The following RELB variants were observed in gnomAD, a reference collection of about 807,000 sequenced individuals.
RELB encodes the protein transcription factor RelB.
Under a neutral mutation model 55.4 loss-of-function variants are expected in RELB, and 14 were observed. That is an observed-to-expected ratio of 0.25 (90% confidence interval 0.17 to 0.40). RELB has a LOEUF of 0.40. RELB is among the 10% of genes least tolerant of loss of function. The pLI is 1.00. For synonymous variants in RELB, 409 were observed against 371.3 expected, an observed-to-expected ratio of 1.10 and a Z score of -1.17; for missense variants, 669 against 830.7, an observed-to-expected ratio of 0.81 and a Z score of 2.39.
In RELB at chr19:45,002,930, C is replaced by T. The variant is rs758543418; in HGVS notation, c.107-19C>T. On this transcript the variant is annotated intron_variant, in intron 1 of 11. Coordinates refer to ENST00000221452, the MANE Select transcript of RELB (RefSeq NM_006509.4). ...GGCTGCCCCCCATCACCTCCTGAGA[C>T]GTTTCTCCTTCTCTGCAGGGTCCCC... 1 of 1,612,148 alleles carries T rather than the reference C, an allele frequency of 6.2e-7. No homozygotes were observed. The highest frequency in any genetic ancestry group is 1.7e-5 in the Admixed American group (1 of 59,904).
At chr19:45,026,009 A>G (rs535299516) in intron 7 of RELB, among the ~76,000 whole-genome samples, 1 of 152,326 alleles carries the variant, frequency 6.6e-6, no homozygotes, top group African/African-American at 2.4e-5. Context: ...TGGGAGGCCA[A>G]GGCGGGCAGG....
intron 11 of RELB, 83 bp from the exon 12 acceptor site, chr19:45,037,322 C>CAGGGAGT (rs1390555828): frequency 2.4e-5 from 33 of 1,352,882 alleles, no homozygotes; most frequent in African/African-American, 6.1e-5. Context: ...TCACATTTTG[C>CAGGGAGT]AGGGAGTAGG....
At position 45,012,154 on chromosome 19, in the gene RELB, G is replaced by C; in HGVS notation, c.382G>C (p.Val128Leu). Reference sequence around the variant, plus strand: ...GGGCCCGGGCCCGCAGCCGCACCTGGTCATCACGGAGCAGCCCAAGCAGCG... The same window carrying C: ...GGGCCCGGGCCCGCAGCCGCACCTGCTCATCACGGAGCAGCCCAAGCAGCG... ...APGPGPQPHLVITEQPKQRGM... is the reference protein window; with the variant it reads ...APGPGPQPHLLITEQPKQRGM... The change falls in exon 4 of 12, where the codon GTC becomes CTC. Residue 128 changes from valine (V) to leucine (L), a missense_variant. Transcript: ENST00000221452. 2 of 1,563,960 alleles carry C rather than the reference G, an allele frequency of 1.3e-6. No homozygotes were observed. The highest frequency in any genetic ancestry group is 1.7e-6 in the Non-Finnish European group (2 of 1,163,984).
intron 3 of RELB, 105 bp from the exon 4 acceptor site, chr19:45,011,831 A>AGAGAGAGAGAGG: frequency 2.4e-6 from 1 of 411,362 alleles, no homozygotes; most frequent in Non-Finnish European, 4.0e-6. Context: ...AGAGAGAGAG[A>AGAGAGAGAGAGG]GAGATAAATG....
At chr19:45,020,051 C>CCTGGCCCATCATTTGTT in intron 4 of RELB, among the ~76,000 whole-genome samples, 1 of 152,058 alleles carries the variant, frequency 6.6e-6, no homozygotes, top group South Asian at 2.1e-4. Context: ...AGCCACTGTG[C>CCTGGCCCATCATTTGTT]GCAGCCCTTC....
chr19:45,011,453 C>G (rs897435313), intron 3 of RELB, among the ~76,000 whole-genome samples: 1 of 151,708 alleles, frequency 6.6e-6, no homozygotes, highest in Non-Finnish European at 1.5e-5. Context: ...TGAGCCACCG[C>G]GCCCAGCCTA....
chr19:45,034,545 C>A lies in RELB; in HGVS notation c.1354+17C>A. On this transcript the variant is annotated intron_variant, in intron 11 of 11. Coordinates refer to ENST00000221452, the MANE Select transcript of RELB (RefSeq NM_006509.4). ...ACGGCTCAGGTGGGTCCCAGCTACA[C>A]ATAAGCCCCTGTCCCCTGGGTGGGC... 1 of 1,583,010 alleles carries A rather than the reference C, an allele frequency of 6.3e-7. No individual in the cohort carries two copies. Among genetic ancestry groups the A allele is most frequent in the Non-Finnish European group, 8.6e-7 (1 of 1,164,448 alleles).
intron 3 of RELB, among the ~76,000 whole-genome samples, chr19:45,011,057 C>A (rs1327336695): frequency 1.3e-5 from 2 of 152,148 alleles, no homozygotes; most frequent in Admixed American, 6.6e-5. Context: ...TCACCATGTT[C>A]GCCAGGCAGG....
chr19:45,017,858 T>C (rs1442286950), intron 4 of RELB, among the ~76,000 whole-genome samples: 1 of 150,932 alleles, frequency 6.6e-6, no homozygotes, highest in Non-Finnish European at 1.5e-5. Flanking sequence ...TTGCCCAGGC[T>C]GGTCTCGAAC....
chr19:45,015,586 T>A (rs1000516408), intron 4 of RELB, among the ~76,000 whole-genome samples: 3 of 151,654 alleles, frequency 2.0e-5, no homozygotes, highest in Non-Finnish European at 2.9e-5. Flanking sequence ...AATAAAAAAA[T>A]TAGCCAGGCG....
chr19:45,002,899 T>C (rs1265782980), intron 1 of RELB, 50 bp from the exon 2 acceptor site: 1 of 1,523,982 alleles, frequency 6.6e-7, no homozygotes, highest in Non-Finnish European at 9.1e-7. Flanking sequence ...TATTCTCTGG[T>C]CCTCTGGCTG....
At position 45,021,133 on chromosome 19, in the gene RELB, G is replaced by A. The variant is rs534362767; in HGVS notation, c.505-920G>A. 2.6e-5 allele frequency among the ~76,000 whole-genome samples: 4 copies of A among 151,962 alleles called. 1 individual carries two copies. The South Asian group carries it at 6.2e-4, about 24-fold the overall frequency. ...AGGTTGCAGTGAGCTGAGATCTCCC[G>A]CCACCGCACTCTAGCTTAGGTGATA... On this transcript the variant is annotated intron_variant, in intron 4 of 11. Coordinates refer to ENST00000221452, the MANE Select transcript of RELB (RefSeq NM_006509.4).
At chr19:45,020,676 G>T (rs1298739029) in intron 4 of RELB, among the ~76,000 whole-genome samples, 1 of 149,254 alleles carries the variant, frequency 6.7e-6, no homozygotes, top group Admixed American at 6.9e-5. Flanking sequence ...TTCTGCCTCA[G>T]CCTCCCAAGT....
intron 9 of RELB, among the ~76,000 whole-genome samples, chr19:45,033,835 GC>G (rs1316449360): frequency 6.7e-6 from 1 of 149,272 alleles, no homozygotes; most frequent in East Asian, 2.1e-4. Context: ...GAGCCACCAC[GC>G]CCAGCCAAGA....
At chr19:45,014,808 C>T (rs1971403377) in intron 4 of RELB, among the ~76,000 whole-genome samples, 1 of 151,916 alleles carries the variant, frequency 6.6e-6, no homozygotes, top group African/African-American at 2.4e-5. Flanking sequence ...TGTGAGCCAC[C>T]GTGCTCGGAC....
chr19:45,025,398 A>C lies in RELB; in HGVS notation c.732A>C (p.Gln244His). Residue 244 changes from glutamine to histidine, a missense_variant, in exon 6 of 12, where the codon CAA becomes CAC. This residue lies in a region of RELB where 323 missense variants were observed against 368.5 expected (regional missense o/e 0.88). Transcript: ENST00000221452. ...EIEAAIERKI[Q>H]LGIDPYNAGS... is the part of the protein sequence containing the mutation. ...AGGCTGCCATTGAGCGGAAGATTCA[A>C]CTGGGCATTGACCCCTACAACGGTG... The C allele has an allele frequency of 1.9e-6, 3 of 1,612,456 alleles. No individual in the cohort carries two copies. The highest frequency in any genetic ancestry group is 2.5e-6 in the Non-Finnish European group (3 of 1,179,362).
intron 4 of RELB, among the ~76,000 whole-genome samples, chr19:45,013,406 G>A (rs1971385726): frequency 6.6e-6 from 1 of 152,042 alleles, no homozygotes; most frequent in African/African-American, 2.4e-5. Context: ...CTTCCAGAGT[G>A]CTGGGATTGC....
chr19:45,002,831 G>A (rs1199182724), intron 1 of RELB, 118 bp from the exon 2 acceptor site: 6 of 776,092 alleles, frequency 7.7e-6, no homozygotes, highest in East Asian at 2.8e-5. Context: ...CAGTCAGGGC[G>A]AGGGGCCTGA....
At chr19:45,018,828 C>T (rs1971451249) in intron 4 of RELB, among the ~76,000 whole-genome samples, 1 of 151,670 alleles carries the variant, frequency 6.6e-6, no homozygotes, top group Non-Finnish European at 1.5e-5. Context: ...AGACATGTGC[C>T]ACCACGCCCT....
Sources: allele counts gnomAD v4.1 joint callset (sites outside exome capture counted in the v4.1 genomes callset), GRCh38; gene constraint gnomAD v4.1.1; regional missense constraint gnomAD v4.1.1; transcripts MANE v1.5; gene names NCBI Gene and HGNC (gene_info 2026-07-23, HGNC 2026-07-21).